The following CHP1 variants were observed in gnomAD, a reference collection of about 807,000 sequenced individuals.
CHP1 encodes calcineurin B homologous protein 1.
In CHP1, 11 loss-of-function variants were observed where a neutral mutation model predicts 27.4. The ratio of observed to expected loss-of-function variants is 0.40; its 90% CI spans 0.25 to 0.67. The LOEUF (loss-of-function observed/expected upper bound fraction) is 0.67. CHP1 is among the 30% of genes least tolerant of loss of function. CHP1 has a pLI of 0.38. For synonymous variants in CHP1, 89 were observed against 87.4 expected (o/e 1.02, Z -0.10); for missense variants, 169 against 251.3 (o/e 0.67, Z 2.22).
intron 1 of CHP1, among the ~76,000 whole-genome samples, chr15:41,232,289 C>T (rs1052590125): frequency 6.7e-6 from 1 of 149,992 alleles, no homozygotes; most frequent in Non-Finnish European, 1.5e-5. Flanking sequence ...CGGCACACTG[C>T]AACTTCCGCC....
At chr15:41,255,383 A>G (rs1418376466) in intron 2 of CHP1, among the ~76,000 whole-genome samples, 2 of 152,178 alleles carry the variant, frequency 1.3e-5, no homozygotes, top group African/African-American at 4.8e-5. Context: ...CTTATTGAAA[A>G]ATTGGGGGAC....
intron 5 of CHP1, among the ~76,000 whole-genome samples, chr15:41,273,994 T>C (rs2047505790): frequency 6.6e-6 from 1 of 151,794 alleles, no homozygotes; most frequent in South Asian, 2.1e-4. Flanking sequence ...GGAGTCTCGC[T>C]CTGTCGCTCG....
intron 3 of CHP1, among the ~76,000 whole-genome samples, chr15:41,259,930 A>ACGTTGG: frequency 6.6e-6 from 1 of 152,230 alleles, no homozygotes; most frequent in South Asian, 2.1e-4. Flanking sequence ...AGGTTTCACC[A>ACGTTGG]CGTTGGCCAG....
chr15:41,262,976 A>G, intron 4 of CHP1, 93 bp downstream of exon 4: 1 of 1,491,046 alleles, frequency 6.7e-7, no homozygotes. Flanking sequence ...AAGCATCTAC[A>G]AGAGCATACT....
chr15:41,231,779 G>A (rs1390727390), intron 1 of CHP1, among the ~76,000 whole-genome samples: 1 of 152,054 alleles, frequency 6.6e-6, no homozygotes, highest in Non-Finnish European at 1.5e-5. Flanking sequence ...TCCCTATGAA[G>A]AGGCATCCTG....
intron 2 of CHP1, among the ~76,000 whole-genome samples, chr15:41,249,219 G>A (rs2047351240): frequency 6.6e-6 from 1 of 152,004 alleles, no homozygotes. Flanking sequence ...TGACTCTATT[G>A]CCCAGGCTTG....
rs184994987 is a variant in CHP1, at chr15:41,252,021, C to T, written c.141-4889C>T. Reference sequence around the variant, plus strand: ...CCTCCCAAAGTGCTGGGATTATAGGCGTCAACCACCACGCCTGGCCATCTT... The same window carrying T: ...CCTCCCAAAGTGCTGGGATTATAGGTGTCAACCACCACGCCTGGCCATCTT... On this transcript the variant is annotated intron_variant, in intron 2 of 6. Coordinates refer to ENST00000334660, the MANE Select transcript of CHP1 (RefSeq NM_007236.5). Among the ~76,000 whole-genome samples, 570 of 151,494 alleles carry T rather than the reference C, an allele frequency of 3.8e-3. 1 individual carries two copies. The highest frequency in any genetic ancestry group is 0.017 in the Middle Eastern group (5 of 286).
At position 41,278,878 on chromosome 15, in the gene CHP1, G is replaced by T; in HGVS notation, c.523G>T (p.Glu175Ter). ...TGGGGACAGTGCCATATCTTTCACA[G>T]AATTTGTTAAGGTTGGTCACTTACT... The part of the protein sequence containing the change: ...QDGDSAISFT[E>*]FVKVLEKVDV... The change falls in exon 6 of 7, where the codon GAA becomes TAA. Residue 175 changes from glutamate (E) to a stop codon, truncating the protein, a stop_gained. Coordinates refer to ENST00000334660, the MANE Select transcript of CHP1 (RefSeq NM_007236.5). LOFTEE classifies it high-confidence loss of function. 3 of 1,614,120 alleles carry T rather than the reference G, an allele frequency of 1.9e-6. No individual in the cohort carries two copies. The highest frequency in any genetic ancestry group is 2.5e-6 in the Non-Finnish European group (3 of 1,180,014).
chr15:41,250,056 C>T lies in CHP1; in HGVS notation c.140+6317C>T, dbSNP rs140751449. 6.3e-3 allele frequency among the ~76,000 whole-genome samples: 889 copies of T among 141,362 alleles called. 4 individuals are homozygous for T. Among genetic ancestry groups the T allele is most frequent in the Middle Eastern group, 0.034 (9 of 264 alleles). The allele number at this position is 141,362 out of a possible 152,430, so 92.7% of individuals were successfully genotyped here. On this transcript the variant is annotated intron_variant, in intron 2 of 6. Coordinates refer to ENST00000334660, the MANE Select transcript of CHP1 (RefSeq NM_007236.5). Reference sequence around the variant, plus strand: ...TCACTCCGAAGCATGCTTTATAGAACAGTCATTCCTTGGTCTATCAATAGG... The same window carrying T: ...TCACTCCGAAGCATGCTTTATAGAATAGTCATTCCTTGGTCTATCAATAGG...
intron 3 of CHP1, among the ~76,000 whole-genome samples, chr15:41,259,893 A>G (rs1567008696): frequency 6.6e-6 from 1 of 152,192 alleles, no homozygotes; most frequent in African/African-American, 2.4e-5. Context: ...AGCTGGGACT[A>G]CAGGCTCACG....
At chr15:41,262,581 G>C (rs2047438880) in intron 3 of CHP1, among the ~76,000 whole-genome samples, 175 bp from the exon 4 acceptor site, 1 of 152,142 alleles carries the variant, frequency 6.6e-6, no homozygotes, top group Non-Finnish European at 1.5e-5. Flanking sequence ...ACAAGGTTGG[G>C]GTGAGGCTTA....
chr15:41,256,672 G>T, intron 2 of CHP1: 1 of 525,284 alleles, frequency 1.9e-6, no homozygotes, highest in South Asian at 2.1e-5. Context: ...TAACCTGTGT[G>T]CTAAATTCAC....
chr15:41,271,414 G>A (rs1367392905), intron 5 of CHP1, among the ~76,000 whole-genome samples: 1 of 152,096 alleles, frequency 6.6e-6, no homozygotes, highest in African/African-American at 2.4e-5. Flanking sequence ...AGCGACAAGA[G>A]TGAAACTCCA....
intron 2 of CHP1, among the ~76,000 whole-genome samples, chr15:41,249,402 C>A (rs1256973770): frequency 6.6e-6 from 1 of 151,680 alleles, no homozygotes; most frequent in Admixed American, 6.6e-5. Context: ...CATCTGCCTG[C>A]CTCAGTCTCC....
intron 1 of CHP1, among the ~76,000 whole-genome samples, chr15:41,240,305 A>T (rs1389803707): frequency 2.6e-5 from 4 of 152,088 alleles, no homozygotes; most frequent in African/African-American, 9.7e-5. Flanking sequence ...TCATTTGTTC[A>T]TTGAAGGGGT....
chr15:41,258,810 A>T (rs2047416603), intron 3 of CHP1, among the ~76,000 whole-genome samples: 1 of 152,224 alleles, frequency 6.6e-6, no homozygotes, highest in African/African-American at 2.4e-5. Context: ...TCAAAATATT[A>T]TATGGGTGCC....
At position 41,281,429 on chromosome 15, in the gene CHP1, T is replaced by C. The variant is rs1255582700; in HGVS notation, c.*2040T>C. On this transcript the variant is annotated 3_prime_UTR_variant, in exon 7 of 7. Transcript: ENST00000334660. Reference sequence around the variant, plus strand: ...GTTTAGACTTCAGTGAATCAGGCTATTGCTATCCTAATGTATGTCTCTATG... The same window carrying C: ...GTTTAGACTTCAGTGAATCAGGCTACTGCTATCCTAATGTATGTCTCTATG... 2.0e-5 allele frequency: 3 copies of C among 152,676 alleles called. No individual in the cohort carries two copies. Among genetic ancestry groups the C allele is most frequent in the Non-Finnish European group, 4.4e-5 (3 of 68,050 alleles). The allele number at this position is 152,676 out of a possible 1,614,324, so 9.5% of individuals were successfully genotyped here. A position where few individuals can be genotyped will look rare whatever the true frequency, so the allele number is the denominator to read the frequency against.
intron 2 of CHP1, among the ~76,000 whole-genome samples, chr15:41,244,777 T>G (rs2047325267): frequency 6.6e-6 from 1 of 152,206 alleles, no homozygotes; most frequent in African/African-American, 2.4e-5. Context: ...TGTAATTGTC[T>G]TACCATAATC....
chr15:41,244,454 A>G (rs1296167500), intron 2 of CHP1, among the ~76,000 whole-genome samples: 6 of 152,178 alleles, frequency 3.9e-5, no homozygotes, highest in African/African-American at 1.4e-4. Context: ...ACCCTGAGGT[A>G]CATCACTTTA....
Sources: gnomAD v4.1 joint callset for allele counts (sites outside exome capture counted in the v4.1 genomes callset) on GRCh38, gnomAD v4.1.1 for gene constraint, MANE v1.5 for transcripts, NCBI Gene and HGNC (gene_info 2026-07-23, HGNC 2026-07-21) for gene names.